Variants in SHPRH observed in about 807,000 individuals in gnomAD.
The protein encoded by SHPRH is SNF2 histone linker PHD RING helicase, also known as E3 ubiquitin-protein ligase SHPRH.
A neutral mutation model predicts 202.5 loss-of-function variants in SHPRH; 106 were observed. The ratio of observed to expected loss-of-function variants is 0.52; its 90% CI spans 0.45 to 0.62. SHPRH has a LOEUF of 0.62. Ranked by LOEUF, SHPRH falls within the 20% of genes least tolerant of loss-of-function variation. The pLI, the probability that SHPRH is intolerant of heterozygous loss-of-function variation, is 0.00. For synonymous variants in SHPRH, 729 were observed against 686.0 expected, an observed-to-expected ratio of 1.06 and a Z score of -0.98; for missense variants, 1,710 against 2,020.0, an observed-to-expected ratio of 0.85 and a Z score of 2.94.
chr6:145,916,083 G>A (rs1045809589), intron 23 of SHPRH, among the ~76,000 whole-genome samples: 17 of 152,052 alleles, frequency 1.1e-4, no homozygotes, highest in Admixed American at 1.0e-3. Context: ...CATTTGTACT[G>A]TACTTGAGTT....
At position 145,945,493 on chromosome 6, in the gene SHPRH, C is replaced by A. The variant is rs1184686940; in HGVS notation, c.1466G>T (p.Cys489Phe). 6.2e-7 allele frequency: 1 copy of A among 1,613,278 alleles called. No homozygotes were observed. ...NRSLLKRMLK[C>F]LIFEGLVKQI... ...TTTCACGAGACCTTCAAAAATTAAA[C>A]ATTTCAGCATCCGTTTCAAAAGACT... Residue 489 changes from cysteine (C) to phenylalanine (F), a missense_variant, in exon 8 of 30, where the codon TGT becomes TTT. Cys to Phe is a radical substitution (Grantham distance 205). Around this residue, in one of 8 missense-constraint regions of SHPRH, gnomAD observed 348 missense variants for 356.9 expected, o/e 0.97. Transcript: ENST00000275233.
intron 10 of SHPRH, 46 bp downstream of exon 10, chr6:145,941,577 T>G: frequency 6.2e-7 from 1 of 1,604,262 alleles, no homozygotes; most frequent in Non-Finnish European, 8.5e-7. Context: ...TAATTCCTTT[T>G]CACCCTTCTT....
intron 11 of SHPRH, among the ~76,000 whole-genome samples, chr6:145,938,494 A>T (rs1786365011): frequency 6.6e-6 from 1 of 152,220 alleles, no homozygotes; most frequent in African/African-American, 2.4e-5. Context: ...TAACAAATGA[A>T]ATAATAAATG....
intron 18 of SHPRH, 104 bp downstream of exon 18, chr6:145,923,539 G>T: frequency 7.2e-7 from 1 of 1,397,586 alleles, no homozygotes; most frequent in Non-Finnish European, 9.7e-7. Context: ...GTTTATGAAT[G>T]GAGAAAAAAA....
At chr6:145,949,471 T>C (rs951624244) in intron 4 of SHPRH, among the ~76,000 whole-genome samples, 1 of 151,976 alleles carries the variant, frequency 6.6e-6, no homozygotes, top group Non-Finnish European at 1.5e-5. Flanking sequence ...TTATCCCAAG[T>C]GAAGTAACTC....
chr6:145,880,099 G>T (rs1780494273), downstream of SHPRH, among the ~76,000 whole-genome samples: 1 of 151,950 alleles, frequency 6.6e-6, no homozygotes, highest in Admixed American at 6.6e-5. Flanking sequence ...TTTTCTCAAT[G>T]TTTAGGTTTC....
At chr6:145,938,088 C>A (rs764988380) in intron 11 of SHPRH, among the ~76,000 whole-genome samples, 24 of 152,080 alleles carry the variant, frequency 1.6e-4, no homozygotes, top group Non-Finnish European at 3.1e-4. Flanking sequence ...TTGAATGTAT[C>A]CCCCAAAAGT....
chr6:145,873,697 AAG>A (rs1205622838), intron 2 of SHPRH, among the ~76,000 whole-genome samples: 60 of 113,208 alleles, frequency 5.3e-4, no homozygotes, highest in Non-Finnish European at 6.8e-4. Context: ...TTGCTAGAGG[AAG>A]GAAGGAAGGA....
At chr6:145,888,975 TG>T (rs1781352726) in intron 28 of SHPRH, among the ~76,000 whole-genome samples, 1 of 152,048 alleles carries the variant, frequency 6.6e-6, no homozygotes, top group African/African-American at 2.4e-5. Flanking sequence ...CATTATAAGA[TG>T]GGGAAAGCTC....
At chr6:145,939,992 T>TA (rs1417201757) in intron 11 of SHPRH, among the ~76,000 whole-genome samples, 2 of 152,156 alleles carry the variant, frequency 1.3e-5, no homozygotes, top group African/African-American at 4.8e-5. Context: ...TACACTTTAA[T>TA]AACAACTTTT....
chr6:145,905,965 A>C (rs1328052317), intron 25 of SHPRH: 1 of 152,010 alleles, frequency 6.6e-6, no homozygotes, highest in East Asian at 1.9e-4. Context: ...AAATTGTTTC[A>C]TATTTTCTAC....
downstream of SHPRH, among the ~76,000 whole-genome samples, chr6:145,863,021 A>C (rs1779634846): frequency 6.6e-6 from 1 of 152,218 alleles, no homozygotes; most frequent in Non-Finnish European, 1.5e-5. Flanking sequence ...GTAGTGTCCA[A>C]TGTCACTGGA....
At chr6:145,891,501 C>G (rs79545576) in intron 28 of SHPRH, among the ~76,000 whole-genome samples, 1,615 of 152,146 alleles carry the variant, frequency 0.011, 21 homozygotes, top group African/African-American at 0.036. Context: ...TATTGTTTAC[C>G]ACCTTTCTGT....
intron 25 of SHPRH, among the ~76,000 whole-genome samples, chr6:145,897,239 A>T (rs1782091407): frequency 6.6e-6 from 1 of 151,996 alleles, no homozygotes; most frequent in Admixed American, 6.6e-5. Flanking sequence ...AAATACAGAG[A>T]ATCATGAGAC....
chr6:145,957,379 T>C (rs1788611795), intron 1 of SHPRH, among the ~76,000 whole-genome samples: 1 of 152,100 alleles, frequency 6.6e-6, no homozygotes, highest in African/African-American at 2.4e-5. Flanking sequence ...CAAAATTAAA[T>C]ATTTTGGTTC....
intron 25 of SHPRH, among the ~76,000 whole-genome samples, chr6:145,896,239 T>C (rs1295635418): frequency 6.6e-6 from 1 of 152,108 alleles, no homozygotes; most frequent in African/African-American, 2.4e-5. Flanking sequence ...CTTGCAAGAT[T>C]AGAAATGTAC....
chr6:145,928,085 T>G (rs779175836), intron 14 of SHPRH, among the ~76,000 whole-genome samples: 2 of 151,986 alleles, frequency 1.3e-5, no homozygotes, highest in Non-Finnish European at 2.9e-5. Context: ...AAATTAAATT[T>G]CAGGGTCCAT....
intron 28 of SHPRH, among the ~76,000 whole-genome samples, chr6:145,892,826 T>C (rs565219103): frequency 9.2e-5 from 14 of 152,070 alleles, no homozygotes; most frequent in Non-Finnish European, 1.9e-4. Flanking sequence ...TGTCTTCTTT[T>C]AAACACGGGA....
rs757182109 is a variant in SHPRH at position 145,943,581 on chromosome 6, G to A, written c.1800C>T (p.His600=). 1.2e-6 allele frequency: 2 copies of A among 1,613,966 alleles called. No homozygotes were observed. The highest frequency in any genetic ancestry group is 1.7e-6 in the Non-Finnish European group (2 of 1,179,926). The part of the protein sequence containing the change: ...QPFINPDSQG[H]CPATSDSGIT... ...TTCCAGAGTCGCTAGTAGCTGGACA[G>A]TGACCTTGTGAATCGGGATTGATAA... Residue 600 remains histidine (H), a synonymous_variant, in exon 9 of 30, where the codon CAC becomes CAT. Transcript: ENST00000275233.
Sources: gnomAD v4.1 joint callset for allele counts (sites outside exome capture counted in the v4.1 genomes callset) on GRCh38, gnomAD v4.1.1 for gene constraint, gnomAD v4.1.1 regional missense constraint, MANE v1.5 for transcripts, NCBI Gene and HGNC (gene_info 2026-07-23, HGNC 2026-07-21) for gene names.